ELP2: variants seen among roughly 807,000 people sequenced by gnomAD.
ELP2 encodes the protein elongator acetyltransferase complex subunit 2, also known as elongator complex protein 2.
In ELP2, 90 loss-of-function variants were observed where a neutral mutation model predicts 119.2. That is an observed-to-expected ratio of 0.75 (90% CI 0.64 to 0.90). ELP2 has a LOEUF of 0.90. Ranked by LOEUF, ELP2 falls within the 40% of genes least tolerant of loss-of-function variation. The pLI is 0.00. For missense variants in ELP2, 921 were observed against 967.8 expected (o/e 0.95, Z 0.64); for synonymous variants, 339 against 331.0 (o/e 1.02, Z -0.26).
chr18:36,139,418 G>A (rs1350392054), intron 5 of ELP2: 11 of 1,535,294 alleles, frequency 7.2e-6, no homozygotes, highest in Non-Finnish European at 8.7e-6. Context: ...TGCCTCCACA[G>A]TTACCTGGAA....
At chr18:36,135,508 C>G (rs1397826692) in intron 2 of ELP2, among the ~76,000 whole-genome samples, 2 of 152,174 alleles carry the variant, frequency 1.3e-5, no homozygotes, top group African/African-American at 2.4e-5. Flanking sequence ...ATCTAATGCT[C>G]TTTAGTCCAG....
At chr18:36,132,076 A>T (rs7240918) in intron 1 of ELP2, among the ~76,000 whole-genome samples, 1,941 of 151,524 alleles carry the variant, frequency 0.013, 44 homozygotes, top group African/African-American at 0.043. Context: ...ACACCTGGCC[A>T]ATTTTTGTGT....
intron 9 of ELP2, 46 bp downstream of exon 9, chr18:36,145,080 A>G (rs2090156082): frequency 7.0e-7 from 1 of 1,424,270 alleles, no homozygotes; most frequent in African/African-American, 1.4e-5. Context: ...GTTAAATCTT[A>G]TGGCACAGTA....
At position 36,138,267 on chromosome 18, in the gene ELP2, C is replaced by T. The variant is rs1187875497; in HGVS notation, c.289-3C>T. On this transcript the variant is annotated splice_polypyrimidine_tract_variant and splice_region_variant and intron_variant, in intron 3 of 21. Transcript: ENST00000358232. ...AATGCTTCTGTCATTCTTTCTGATT[C>T]AGCTTTTAAAAGCAGTGCATCTTCA... 1 of 1,613,972 alleles carries T rather than the reference C, an allele frequency of 6.2e-7. No individual in the cohort carries two copies. The highest frequency in any genetic ancestry group is 2.2e-5 in the East Asian group (1 of 44,862).
chr18:36,159,011 A>T (rs1486027737), intron 14 of ELP2, 107 bp downstream of exon 14: 9 of 770,802 alleles, frequency 1.2e-5, no homozygotes, highest in African/African-American at 3.5e-5. Flanking sequence ...TTTTTTTTTT[A>T]AATCACAGTA....
intron 11 of ELP2, among the ~76,000 whole-genome samples, chr18:36,152,758 T>A (rs1226824856): frequency 6.6e-6 from 1 of 152,218 alleles, no homozygotes; most frequent in Non-Finnish European, 1.5e-5. Context: ...CTGTGGGTCC[T>A]GCATCAACCC....
chr18:36,156,636 G>A lies in ELP2; in HGVS notation c.1446G>A (p.Leu482=). The A allele has an allele frequency of 1.2e-6, 2 of 1,613,980 alleles. No homozygotes were observed. The highest frequency in any genetic ancestry group is 1.7e-6 in the Non-Finnish European group (2 of 1,179,926). The change falls in exon 13 of 22, where the codon CTG becomes CTA. Residue 482 remains leucine (L), a synonymous_variant. Transcript: ENST00000358232. ...ENFCAITGQS[L]NHVLCNQDSD... is the part of the protein sequence containing the mutation. ...TTTGTGCCATTACAGGACAATCACTGAATCATGTGCTCTGTAATGTGAGTA... is the reference window on the plus strand; with the variant it reads ...TTTGTGCCATTACAGGACAATCACTAAATCATGTGCTCTGTAATGTGAGTA...
chr18:36,165,350 T>C (rs939683674), intron 18 of ELP2: 1 of 152,264 alleles, frequency 6.6e-6, no homozygotes, highest in Non-Finnish European at 1.5e-5. Context: ...CCAGATTCTT[T>C]TGGTGGATAA....
chr18:36,152,089 A>T (rs1474829620), intron 11 of ELP2, among the ~76,000 whole-genome samples: 3 of 151,016 alleles, frequency 2.0e-5, no homozygotes, highest in Non-Finnish European at 4.4e-5. Flanking sequence ...AGCTACTCAG[A>T]GGCTGAGGTG....
chr18:36,133,455 A>G lies in ELP2; in HGVS notation c.217+139A>G, dbSNP rs1444272357. 5 of 711,042 alleles carry G rather than the reference A, an allele frequency of 7.0e-6. No homozygotes were observed. In the African/African-American group the frequency reaches 7.0e-5, roughly 10 times the overall value. The allele number at this position is 711,042 out of a possible 1,614,324, so 44.0% of individuals were successfully genotyped here. A position where few individuals can be genotyped will look rare whatever the true frequency, so the allele number is the denominator to read the frequency against. On this transcript the variant is annotated intron_variant, in intron 2 of 21. Coordinates refer to ENST00000358232, the MANE Select transcript of ELP2 (RefSeq NM_018255.4). ...CAATTGGAGAAACAAGAAAAATGGTATTCCCAGTGAAATATCTGAACTGTA... is the reference window on the plus strand; with the variant it reads ...CAATTGGAGAAACAAGAAAAATGGTGTTCCCAGTGAAATATCTGAACTGTA...
intron 2 of ELP2, among the ~76,000 whole-genome samples, chr18:36,133,842 C>G (rs891237117): frequency 1.4e-5 from 2 of 143,642 alleles, no homozygotes; most frequent in African/African-American, 2.6e-5. Context: ...TCAGAGTTCT[C>G]TGCAATAGCT....
intron 5 of ELP2, 124 bp from the exon 6 acceptor site, chr18:36,141,013 G>A (rs919473469): frequency 2.0e-5 from 16 of 792,444 alleles, no homozygotes; most frequent in African/African-American, 5.1e-5. Context: ...TCAATTATTC[G>A]TGTAGTGGTG....
chr18:36,135,345 G>A (rs189409577), intron 2 of ELP2, among the ~76,000 whole-genome samples: 1 of 152,148 alleles, frequency 6.6e-6, no homozygotes, highest in Non-Finnish European at 1.5e-5. Context: ...TTTTTAATAT[G>A]TCTGAATTTT....
At chr18:36,132,694 T>C (rs1485719583) in intron 1 of ELP2, among the ~76,000 whole-genome samples, 1 of 152,170 alleles carries the variant, frequency 6.6e-6, no homozygotes, top group Non-Finnish European at 1.5e-5. Flanking sequence ...TGTGAGGACC[T>C]TAGTAGTTGT....
At chr18:36,144,339 A>G (rs1242767961) in intron 8 of ELP2, among the ~76,000 whole-genome samples, 1 of 152,178 alleles carries the variant, frequency 6.6e-6, no homozygotes, top group East Asian at 1.9e-4. Context: ...TTACGCTTCT[A>G]TAAAGAACTT....
chr18:36,163,151 T>C (rs1177408650), intron 17 of ELP2, among the ~76,000 whole-genome samples: 1 of 152,070 alleles, frequency 6.6e-6, no homozygotes, highest in African/African-American at 2.4e-5. Context: ...AGCAAAGATG[T>C]CTGGTTTTTG....
rs868277443 is a variant in ELP2, at chr18:36,133,741, T to A, written c.217+425T>A. Reference sequence around the variant, plus strand: ...ACTTATTTATTTATTTATTTATTTTTTTTTTGCCAACTAGTTGGAGACTAG... The same window carrying A: ...ACTTATTTATTTATTTATTTATTTTATTTTTGCCAACTAGTTGGAGACTAG... On this transcript the variant is annotated intron_variant, in intron 2 of 21. Coordinates refer to ENST00000358232, the MANE Select transcript of ELP2 (RefSeq NM_018255.4). Among the ~76,000 whole-genome samples, 685 of 150,986 alleles carry A rather than the reference T, an allele frequency of 4.5e-3. 7 individuals are homozygous for A. Among genetic ancestry groups the A allele is most frequent in the African/African-American group, 0.01 (418 of 41,110 alleles).
At position 36,170,195 on chromosome 18, in the gene ELP2, C is replaced by T. The variant is rs763537824; in HGVS notation, c.2209C>T (p.Arg737Ter). 9.3e-6 allele frequency: 15 copies of T among 1,614,046 alleles called. No homozygotes were observed. The highest frequency in any genetic ancestry group is 3.3e-5 in the South Asian group (3 of 91,090). Residue 737 changes from arginine (R) to a stop codon, truncating the protein, a stop_gained and splice_region_variant, in exon 20 of 22, where the codon CGA (arginine) becomes TGA (stop). Transcript: ENST00000358232. LOFTEE classifies it high-confidence loss of function. ...CTGCCCAGTGCTCCACCCTTCTCAA[C>T]GGTCAGTCTCTGTGTGGGGCTTAGT... ...SVCPVLHPSQ[R>*]YVVAVGLECG... is the part of the protein sequence containing the mutation.
chr18:36,130,186 CAG>C, intron 1 of ELP2, 115 bp downstream of exon 1: 1 of 1,422,624 alleles, frequency 7.0e-7, no homozygotes, highest in Non-Finnish European at 9.8e-7. Context: ...CGGGTCGGCT[CAG>C]GGGAGCGGGG....
Sources: allele counts gnomAD v4.1 joint callset (sites outside exome capture counted in the v4.1 genomes callset), GRCh38; gene constraint gnomAD v4.1.1; transcripts MANE v1.5; gene names NCBI Gene and HGNC (gene_info 2026-07-23, HGNC 2026-07-21).